HDAC4: variants seen among roughly 807,000 people sequenced by gnomAD.
HDAC4 encodes histone deacetylase 4, also known as histone deacetylase A.
A neutral mutation model predicts 135.1 loss-of-function variants in HDAC4; 16 were observed. That is an observed-to-expected ratio of 0.12 (90% CI 0.08 to 0.18). HDAC4 has a LOEUF of 0.18. Among genes scored for constraint, HDAC4 ranks in the 10% least tolerant of loss-of-function variants. HDAC4 has a pLI of 1.00. For missense variants in HDAC4, 1,143 were observed against 1,511.8 expected (o/e 0.76, Z 4.05); for synonymous variants, 685 against 653.4 (o/e 1.05, Z -0.74).
intron 2 of HDAC4, among the ~76,000 whole-genome samples, chr2:239,344,431 T>A (rs571786800): frequency 6.6e-6 from 1 of 152,318 alleles, no homozygotes; most frequent in African/African-American, 2.4e-5. Flanking sequence ...TTCAGAGAAT[T>A]GCCAAAACAA....
intron 2 of HDAC4, among the ~76,000 whole-genome samples, chr2:239,292,891 A>G (rs954564422): frequency 2.0e-4 from 31 of 152,246 alleles, no homozygotes; most frequent in African/African-American, 7.5e-4. Flanking sequence ...CACTAAGAGC[A>G]AAACCTTGCT....
rs183347110 is a variant in HDAC4, at chr2:239,253,823, C to T, written c.23-17159G>A. 1.5e-3 allele frequency among the ~76,000 whole-genome samples: 225 copies of T among 152,234 alleles called. 2 individuals carry two copies. Among genetic ancestry groups the T allele is most frequent in the African/African-American group, 5.3e-3 (221 of 41,536 alleles). Reference sequence around the variant, plus strand: ...TCCTGGGGCCCAAGAGTCATCAGAACTGGAGACAGGCACCAGGGAGCCAGT... The same window carrying T: ...TCCTGGGGCCCAAGAGTCATCAGAATTGGAGACAGGCACCAGGGAGCCAGT... On this transcript the variant is annotated intron_variant, in intron 2 of 26. Coordinates refer to ENST00000543185, the MANE Select transcript of HDAC4 (RefSeq NM_001378414.1).
At chr2:239,296,984 C>A (rs192163821) in intron 2 of HDAC4, among the ~76,000 whole-genome samples, 1 of 143,362 alleles carries the variant, frequency 7.0e-6, no homozygotes, top group East Asian at 2.1e-4. Context: ...GTTCGTGGGG[C>A]TGCAGGGAAC....
intron 6 of HDAC4, among the ~76,000 whole-genome samples, chr2:239,158,675 T>G (rs929442065): frequency 1.3e-5 from 2 of 151,988 alleles, no homozygotes; most frequent in Non-Finnish European, 2.9e-5. Flanking sequence ...ACCTCCTGCA[T>G]AGCCCAGCTC....
chr2:239,100,865 CCT>C (rs1169630873), intron 16 of HDAC4, among the ~76,000 whole-genome samples: 8 of 152,054 alleles, frequency 5.3e-5, no homozygotes, highest in African/African-American at 1.4e-4. Context: ...CCAGGAAGCC[CCT>C]GTCTTCCACC....
intron 9 of HDAC4, among the ~76,000 whole-genome samples, chr2:239,135,706 G>A (rs942731229): frequency 6.6e-6 from 1 of 152,158 alleles, no homozygotes; most frequent in Non-Finnish European, 1.5e-5. Context: ...TGAAGCCTCC[G>A]CTGCAGGGCC....
intron 3 of HDAC4, among the ~76,000 whole-genome samples, chr2:239,198,909 G>A (rs1048582634): frequency 3.3e-5 from 5 of 152,138 alleles, no homozygotes; most frequent in East Asian, 1.9e-4. Context: ...GGCCCCAGTC[G>A]TCACTGCGAA....
At chr2:239,053,231 C>T (rs909456791) in intron 26 of HDAC4, 95 bp from the exon 27 acceptor site, 76 of 1,498,994 alleles carry the variant, frequency 5.1e-5, no homozygotes, top group Non-Finnish European at 6.7e-5. Flanking sequence ...TGTGCTGCCC[C>T]ACCCGCCAGC....
At chr2:239,295,433 G>A (rs978180406) in intron 2 of HDAC4, among the ~76,000 whole-genome samples, 2 of 151,804 alleles carry the variant, frequency 1.3e-5, no homozygotes, top group Admixed American at 6.6e-5. Flanking sequence ...AGACAAGATG[G>A]GAGCCGGAAG....
At position 239,308,957 on chromosome 2, in the gene HDAC4, A is replaced by G. The variant is rs2052742610; in HGVS notation, c.22+43721T>C. The stretch of plus-strand genomic sequence containing the variant: ...CCAGCTCCCCCAGAGGCTGAGTTCA[A>G]ACATTCTAAACGGATTCTTGATAAC... On this transcript the variant is annotated intron_variant, in intron 2 of 26. Transcript: ENST00000543185. The surrounding 1 kb of genome is among the most constrained non-coding windows in gnomAD (Gnocchi z 4.2). 6.6e-6 allele frequency: 1 copy of G among 152,182 alleles called. No individual in the cohort carries two copies. The highest frequency in any genetic ancestry group is 6.5e-5 in the Admixed American group (1 of 15,282). The allele number at this position is 152,182 out of a possible 1,614,324, so 9.4% of individuals were successfully genotyped here. A position where few individuals can be genotyped will look rare whatever the true frequency, so the allele number is the denominator to read the frequency against.
At chr2:239,298,931 C>G (rs1387359781) in intron 2 of HDAC4, among the ~76,000 whole-genome samples, 6 of 142,836 alleles carry the variant, frequency 4.2e-5, no homozygotes, top group African/African-American at 8.1e-5. Flanking sequence ...TGCGGTGGCG[C>G]CATCTCGGCT....
At position 239,084,200 on chromosome 2, in the gene HDAC4, A is replaced by C. The variant is rs2035636164; in HGVS notation, c.2487T>G (p.Leu829=). 1 of 1,613,472 alleles carries C rather than the reference A, an allele frequency of 6.2e-7. No individual in the cohort carries two copies. The highest frequency in any genetic ancestry group is 1.1e-5 in the South Asian group (1 of 91,020). The part of the protein sequence containing the change: ...YFNSVAVAAK[L]LQQRLSVSKI... ...TGCTCACGCTCAACCTCTGCTGCAG[A>C]AGCTTGGCTGCCACGGCCACGGAGT... Residue 829 remains leucine, a synonymous_variant, in exon 20 of 27, where the codon CTT becomes CTG. Coordinates refer to ENST00000543185, the MANE Select transcript of HDAC4 (RefSeq NM_001378414.1).
rs2052769989 is a variant in HDAC4 at position 239,309,492 on chromosome 2, C to T, written c.22+43186G>A. Among the ~76,000 whole-genome samples the T allele has an allele frequency of 6.6e-6, 1 of 152,366 alleles. No individual in the cohort carries two copies. The highest frequency in any genetic ancestry group is 2.4e-5 in the African/African-American group (1 of 41,604). On this transcript the variant is annotated intron_variant, in intron 2 of 26. Transcript: ENST00000543185. This position sits in a 1 kb window ranked among gnomAD's most constrained non-coding sequence, Gnocchi z 4.2. ...CACCTCTCACTAACACTCAGCTCCA[C>T]TCCTGCTTCCTTCCTCTCACTCCAC...
Position 239,139,743 on chromosome 2 carries a change from A to G in HDAC4, c.919T>C (p.Ser307Pro), listed in dbSNP as rs1420057985. ...GSGPSSPNNS[S>P]GSVSAENGIA... ...CCGTTCTCCGCGCTGACGCTCCCGGAGCTGTTGTTGGGTGAGCTGGGTCCG... is the reference window on the plus strand; with the variant it reads ...CCGTTCTCCGCGCTGACGCTCCCGGGGCTGTTGTTGGGTGAGCTGGGTCCG... Residue 307 changes from serine to proline, a missense_variant, in exon 9 of 27, where the codon TCC becomes CCC. Coordinates refer to ENST00000543185, the MANE Select transcript of HDAC4 (RefSeq NM_001378414.1). This position sits in a 1 kb window ranked among gnomAD's most constrained non-coding sequence, Gnocchi z 5.3. 1.2e-6 allele frequency: 2 copies of G among 1,614,034 alleles called. No homozygotes were observed. The highest frequency in any genetic ancestry group is 1.1e-5 in the South Asian group (1 of 91,068).
intron 2 of HDAC4, among the ~76,000 whole-genome samples, chr2:239,263,828 C>A (rs2049536559): frequency 6.6e-6 from 1 of 152,216 alleles, no homozygotes; most frequent in African/African-American, 2.4e-5. Context: ...TCCGACTCGG[C>A]TGAGCCTCGC....
At chr2:239,177,476 C>G (rs370164782) in intron 4 of HDAC4, among the ~76,000 whole-genome samples, 1 of 152,066 alleles carries the variant, frequency 6.6e-6, no homozygotes, top group African/African-American at 2.4e-5. Flanking sequence ...GCTGCCTCTG[C>G]GGGGGTGAGG....
chr2:239,193,121 G>C (rs1038746559), intron 3 of HDAC4, among the ~76,000 whole-genome samples: 2 of 152,168 alleles, frequency 1.3e-5, no homozygotes, highest in African/African-American at 4.8e-5. Flanking sequence ...TCCCTGTGTG[G>C]GGGGCCTGGG....
In HDAC4 at chr2:239,139,742, G is replaced by A. The variant is rs1294678651; in HGVS notation, c.920C>T (p.Ser307Phe). ...GSGPSSPNNS[S>F]GSVSAENGIA... is the part of the protein sequence containing the mutation. ...ACCGTTCTCCGCGCTGACGCTCCCG[G>A]AGCTGTTGTTGGGTGAGCTGGGTCC... Residue 307 changes from serine to phenylalanine, a missense_variant, in exon 9 of 27, where the codon TCC becomes TTC. By Grantham distance (155) the Ser-to-Phe change is radical. Transcript: ENST00000543185. This position sits in a 1 kb window ranked among gnomAD's most constrained non-coding sequence, Gnocchi z 5.3. 6.2e-7 allele frequency: 1 copy of A among 1,614,014 alleles called. No homozygotes were observed. Among genetic ancestry groups the A allele is most frequent in the African/African-American group, 1.3e-5 (1 of 74,950 alleles).
At chr2:239,124,567 C>A (rs1449583702) in intron 12 of HDAC4, among the ~76,000 whole-genome samples, 8 of 146,404 alleles carry the variant, frequency 5.5e-5, no homozygotes, top group Non-Finnish European at 1.5e-5. Flanking sequence ...ATATGACATT[C>A]CAGTGTGCCG....
Sources: allele counts gnomAD v4.1 joint callset (sites outside exome capture counted in the v4.1 genomes callset), GRCh38; gene constraint gnomAD v4.1.1; non-coding constraint Gnocchi (gnomAD v3.1); transcripts MANE v1.5; gene names NCBI Gene and HGNC (gene_info 2026-07-23, HGNC 2026-07-21).